IRAG1: variants seen among roughly 807,000 people sequenced by gnomAD.
IRAG1 encodes IP3R-associated cGMP kinase substrate.
A neutral mutation model predicts 106.2 loss-of-function variants in IRAG1; 62 were observed. The observed-to-expected ratio is 0.58, with a 90% CI of 0.48 to 0.72. The LOEUF (loss-of-function observed/expected upper bound fraction) is 0.72, where lower values mean the gene tolerates loss of function less well. IRAG1 is among the 30% of genes least tolerant of loss of function. The pLI is 0.00. For synonymous variants in IRAG1, 462 were observed against 443.9 expected, an observed-to-expected ratio of 1.04 and a Z score of -0.51; for missense variants, 1,064 against 1,140.7, an observed-to-expected ratio of 0.93 and a Z score of 0.97.
chr11:10,592,092 A>G (rs1440494267), intron 17 of IRAG1, among the ~76,000 whole-genome samples: 1 of 152,132 alleles, frequency 6.6e-6, no homozygotes, highest in Non-Finnish European at 1.5e-5. Flanking sequence ...ATTTCTTTAC[A>G]ATACGTTCCC....
chr11:10,597,348 G>C (rs1003028690), intron 15 of IRAG1, among the ~76,000 whole-genome samples: 1 of 152,074 alleles, frequency 6.6e-6, no homozygotes, highest in Non-Finnish European at 1.5e-5. Flanking sequence ...TTAAGTTAGA[G>C]ACGGTCTCAC....
Position 10,594,189 on chromosome 11 carries a change from C to A in IRAG1, c.2024G>T (p.Gly675Val). 1 of 1,609,672 alleles carries A rather than the reference C, an allele frequency of 6.2e-7. No individual in the cohort carries two copies. The highest frequency in any genetic ancestry group is 1.1e-5 in the South Asian group (1 of 89,670). The change falls in exon 16 of 21, where the codon GGG becomes GTG. Residue 675 changes from glycine (G) to valine (V), a missense_variant. Transcript: ENST00000423302. ...SSRSCGPSEDGVPRTARSMSL... is the reference protein window; with the variant it reads ...SSRSCGPSEDVVPRTARSMSL... ...CATGGACCGTGCCGTGCGAGGGACC[C>A]CATCTTCTGCAGCAGGAGGGAGCAG...
chr11:10,680,443 AAG>A (rs1329305832), intron 1 of IRAG1, among the ~76,000 whole-genome samples: 1 of 144,760 alleles, frequency 6.9e-6, no homozygotes, highest in Non-Finnish European at 1.5e-5. Context: ...GAAGGAAGGA[AAG>A]AAAGGGAAAG....
intron 2 of IRAG1, among the ~76,000 whole-genome samples, chr11:10,644,178 G>A (rs1857759402): frequency 6.6e-6 from 1 of 152,196 alleles, no homozygotes; most frequent in Admixed American, 6.5e-5. Flanking sequence ...GATGACATCA[G>A]TGGGAAACTT....
chr11:10,664,154 C>T (rs1282633617), intron 1 of IRAG1, among the ~76,000 whole-genome samples: 1 of 152,192 alleles, frequency 6.6e-6, no homozygotes, highest in Admixed American at 6.5e-5. Context: ...CGAGACGCAG[C>T]CCCTCTCCGA....
chr11:10,603,035 A>G, intron 14 of IRAG1, 85 bp downstream of exon 14: 3 of 1,473,308 alleles, frequency 2.0e-6, no homozygotes, highest in Non-Finnish European at 2.7e-6. Context: ...TCTAAGTGGT[A>G]TCTGTAGTTG....
chr11:10,581,943 C>T lies in IRAG1; in HGVS notation c.2284G>A (p.Ala762Thr), dbSNP rs762687664. 35 of 1,613,760 alleles carry T rather than the reference C, an allele frequency of 2.2e-5. No homozygotes were observed. In the Middle Eastern group the frequency reaches 9.9e-4, roughly 45 times the overall value. The change falls in exon 19 of 21, where the codon GCG becomes ACG. Residue 762 changes from alanine to threonine, a missense_variant. Ala to Thr is a moderately conservative substitution (Grantham distance 58, BLOSUM62 0). Coordinates refer to ENST00000423302, the MANE Select transcript of IRAG1 (RefSeq NM_130385.4). ...TCCTCCAGGCAGCTCAGGGTCAGCG[C>T]AGGAGCAGAGGCTTCACAATCTGGG... is the stretch of plus-strand genomic sequence containing the variant. The part of the protein sequence containing the change: ...GDPDCEASAP[A>T]LTLSCLEELS...
At chr11:10,594,008 G>T in intron 16 of IRAG1, 138 bp downstream of exon 16, 1 of 791,340 alleles carries the variant, frequency 1.3e-6, no homozygotes, top group Non-Finnish European at 2.0e-6. Flanking sequence ...AAACTTGAGA[G>T]TGTGGAAAGC....
At chr11:10,627,897 G>A (rs1856377931) in intron 7 of IRAG1, 76 bp downstream of exon 7, 13 of 1,574,110 alleles carry the variant, frequency 8.3e-6, no homozygotes, top group Admixed American at 1.7e-5. Flanking sequence ...GGGTCACGAA[G>A]GGCCTCCTGG....
intron 9 of IRAG1, 97 bp from the exon 10 acceptor site, chr11:10,623,953 G>T (rs191263964): frequency 1.7e-6 from 2 of 1,174,538 alleles, no homozygotes; most frequent in Non-Finnish European, 2.5e-6. Flanking sequence ...ACTATCTTAG[G>T]TGGGAAAGCG....
At chr11:10,645,551 C>T (rs80083757) in intron 2 of IRAG1, among the ~76,000 whole-genome samples, 5,612 of 152,298 alleles carry the variant, frequency 0.037, 353 homozygotes, top group African/African-American at 0.13. Flanking sequence ...TCTAAATTCG[C>T]ACTTTCATGG....
intron 15 of IRAG1, among the ~76,000 whole-genome samples, chr11:10,597,954 C>G (rs1853519091): frequency 6.6e-6 from 1 of 152,224 alleles, no homozygotes; most frequent in Admixed American, 6.5e-5. Context: ...ATTGCATCAT[C>G]ACTGCTGTCA....
At chr11:10,598,422 A>G (rs1032345562) in intron 15 of IRAG1, among the ~76,000 whole-genome samples, 15 of 152,266 alleles carry the variant, frequency 9.9e-5, no homozygotes, top group African/African-American at 3.4e-4. Flanking sequence ...TAGCAGAACC[A>G]GAAAATATTC....
intron 13 of IRAG1, 143 bp from the exon 14 acceptor site, chr11:10,603,394 A>C: frequency 1.1e-6 from 1 of 870,910 alleles, no homozygotes. Flanking sequence ...TTGGGGATGA[A>C]ACTCTTCCAC....
chr11:10,577,198 A>T (rs1262265855), intron 20 of IRAG1, among the ~76,000 whole-genome samples: 2 of 152,218 alleles, frequency 1.3e-5, no homozygotes, highest in Non-Finnish European at 2.9e-5. Flanking sequence ...AGAAGCCTCT[A>T]GCAATGTCTG....
chr11:10,619,046 C>T (rs117812492), intron 10 of IRAG1, among the ~76,000 whole-genome samples: 4,736 of 152,206 alleles, frequency 0.031, 117 homozygotes, highest in South Asian at 0.056. Flanking sequence ...AGGCCTTCTC[C>T]CTGATGGTGG....
chr11:10,602,911 C>T (rs146564556), intron 14 of IRAG1, among the ~76,000 whole-genome samples: 31 of 152,122 alleles, frequency 2.0e-4, no homozygotes, highest in African/African-American at 6.3e-4. Context: ...CAAACTTGTG[C>T]GTCCACAGAA....
chr11:10,604,387 A>T lies in IRAG1; in HGVS notation c.1743+18T>A. 1 of 1,613,842 alleles carries T rather than the reference A, an allele frequency of 6.2e-7. No homozygotes were observed. Among genetic ancestry groups the T allele is most frequent in the African/African-American group, 1.3e-5 (1 of 75,030 alleles). The stretch of plus-strand genomic sequence containing the variant: ...AGTCTCTGCTCCAGGGATTCCTCAC[A>T]TCAGGCTCCACAATTACCGTAATGG... On this transcript the variant is annotated intron_variant, in intron 13 of 20. Transcript: ENST00000423302.
chr11:10,643,294 A>G (rs1311940174), intron 2 of IRAG1, among the ~76,000 whole-genome samples: 1 of 151,552 alleles, frequency 6.6e-6, no homozygotes, highest in Non-Finnish European at 1.5e-5. Flanking sequence ...GTTCTGCTGG[A>G]CATGGGGCTC....
Sources: gnomAD v4.1 joint callset for allele counts (sites outside exome capture counted in the v4.1 genomes callset) on GRCh38, gnomAD v4.1.1 for gene constraint, MANE v1.5 for transcripts, NCBI Gene and HGNC (gene_info 2026-07-23, HGNC 2026-07-21) for gene names.